Variants in MSRB3 observed in about 807,000 individuals in gnomAD.
MSRB3 encodes the protein methionine-R-sulfoxide reductase B3.
Under a neutral mutation model 21.0 loss-of-function variants are expected in MSRB3, and 13 were observed. The observed-to-expected ratio is 0.62, with a 90% CI of 0.40 to 0.98. The LOEUF (loss-of-function observed/expected upper bound fraction) is 0.98, where lower values mean the gene tolerates loss of function less well. Ranked by LOEUF, MSRB3 falls within the 50% of genes least tolerant of loss-of-function variation. MSRB3 has a pLI of 0.00. For missense variants in MSRB3, 199 were observed against 230.3 expected, an observed-to-expected ratio of 0.86 and a Z score of 0.88; for synonymous variants, 87 against 88.6, an observed-to-expected ratio of 0.98 and a Z score of 0.10.
At chr12:65,304,260 T>G (rs1469341234) in intron 1 of MSRB3, among the ~76,000 whole-genome samples, 1 of 152,164 alleles carries the variant, frequency 6.6e-6, no homozygotes, top group East Asian at 1.9e-4. Flanking sequence ...TATATTATGT[T>G]TCTCAGAACA....
intron 5 of MSRB3, among the ~76,000 whole-genome samples, chr12:65,422,583 T>C (rs562813122): frequency 1.1e-4 from 17 of 151,430 alleles, no homozygotes; most frequent in African/African-American, 3.9e-4. Context: ...TATTTTTAAA[T>C]GTATAATTAA....
At chr12:65,294,834 G>A (rs752483515) in intron 1 of MSRB3, among the ~76,000 whole-genome samples, 1 of 151,576 alleles carries the variant, frequency 6.6e-6, no homozygotes, top group Non-Finnish European at 1.5e-5. Context: ...TTTTTGTTTT[G>A]TTTTGTTTTG....
chr12:65,317,385 T>C (rs1285718384), intron 2 of MSRB3, among the ~76,000 whole-genome samples: 1 of 152,170 alleles, frequency 6.6e-6, no homozygotes, highest in East Asian at 1.9e-4. Flanking sequence ...TCCCCGCCTT[T>C]TTAGTGGAGC....
intron 1 of MSRB3, among the ~76,000 whole-genome samples, chr12:65,289,607 T>C (rs1478267453): frequency 2.6e-5 from 4 of 152,248 alleles, no homozygotes; most frequent in Non-Finnish European, 2.9e-5. Context: ...GTTTGTTACA[T>C]GGGTAAAGTA....
chr12:65,342,368 A>G (rs1876202885), intron 4 of MSRB3, among the ~76,000 whole-genome samples: 1 of 151,968 alleles, frequency 6.6e-6, no homozygotes, highest in African/African-American at 2.4e-5. Context: ...AATACATATG[A>G]TCCACAAACT....
chr12:65,437,925 G>T (rs556466074), intron 5 of MSRB3, among the ~76,000 whole-genome samples: 1 of 151,958 alleles, frequency 6.6e-6, no homozygotes, highest in Non-Finnish European at 1.5e-5. Flanking sequence ...TCTGCCTGTG[G>T]TGTCTGGAAT....
chr12:65,433,896 G>A (rs1054321557), intron 5 of MSRB3, among the ~76,000 whole-genome samples: 3 of 151,740 alleles, frequency 2.0e-5, no homozygotes, highest in African/African-American at 7.3e-5. Context: ...GGCAGTTCAG[G>A]TTTTCTGAAC....
intron 5 of MSRB3, among the ~76,000 whole-genome samples, chr12:65,413,393 C>T (rs1002169126): frequency 6.6e-6 from 1 of 152,094 alleles, no homozygotes; most frequent in African/African-American, 2.4e-5. Context: ...GTTGCCTGGC[C>T]TCCTATGATA....
chr12:65,453,324 T>A lies in MSRB3; in HGVS notation c.293-404T>A, dbSNP rs147024164. The stretch of plus-strand genomic sequence containing the variant: ...AGGAGGCATGGAATAGTTGAAAAGT[T>A]AACAGCCAGACCAATTGATTGTGTT... On this transcript the variant is annotated intron_variant, in intron 5 of 6. Transcript: ENST00000308259. 8.5e-3 allele frequency among the ~76,000 whole-genome samples: 1,296 copies of A among 152,276 alleles called. 20 individuals are homozygous for A. The highest frequency in any genetic ancestry group is 0.029 in the African/African-American group (1,222 of 41,554).
intron 1 of MSRB3, 50 bp downstream of exon 1, chr12:65,278,915 C>G: frequency 6.5e-7 from 1 of 1,544,330 alleles, no homozygotes; most frequent in Non-Finnish European, 8.8e-7. Flanking sequence ...CCCTCCCACC[C>G]CGACCCTGCC....
chr12:65,382,244 C>A (rs1878975356), intron 5 of MSRB3, among the ~76,000 whole-genome samples: 1 of 151,948 alleles, frequency 6.6e-6, no homozygotes, highest in African/African-American at 2.4e-5. Flanking sequence ...CATAGGAACA[C>A]AAAACAACAA....
At chr12:65,367,965 A>G (rs1014827037) in intron 4 of MSRB3, among the ~76,000 whole-genome samples, 1 of 152,200 alleles carries the variant, frequency 6.6e-6, no homozygotes, top group Non-Finnish European at 1.5e-5. Context: ...GCATCAGCTG[A>G]AACTTTGTTT....
intron 5 of MSRB3, among the ~76,000 whole-genome samples, chr12:65,391,392 A>G (rs1232054106): frequency 6.6e-6 from 1 of 152,240 alleles, no homozygotes; most frequent in Non-Finnish European, 1.5e-5. Context: ...GATTAGTGAC[A>G]GGAGAGTATT....
chr12:65,443,653 T>G (rs1272218260), intron 5 of MSRB3, among the ~76,000 whole-genome samples: 1 of 152,080 alleles, frequency 6.6e-6, no homozygotes, highest in Non-Finnish European at 1.5e-5. Flanking sequence ...TATCCTGGCT[T>G]ATAGGCAGTC....
chr12:65,307,510 A>G (rs1002518539), intron 1 of MSRB3, among the ~76,000 whole-genome samples: 3 of 152,174 alleles, frequency 2.0e-5, no homozygotes, highest in African/African-American at 7.2e-5. Flanking sequence ...CATTAATTTT[A>G]TATTAATTTT....
chr12:65,424,381 T>C (rs1947147055), intron 5 of MSRB3, among the ~76,000 whole-genome samples: 1 of 152,096 alleles, frequency 6.6e-6, no homozygotes, highest in African/African-American at 2.4e-5. Context: ...GTTTTCTAGT[T>C]CCTTGAGATG....
chr12:65,456,682 G>C (rs955003596), intron 6 of MSRB3, among the ~76,000 whole-genome samples: 1 of 152,166 alleles, frequency 6.6e-6, no homozygotes, highest in Non-Finnish European at 1.5e-5. Context: ...GAAAGTGTTT[G>C]ACTCTTTCTT....
intron 4 of MSRB3, among the ~76,000 whole-genome samples, chr12:65,352,415 G>A (rs1276968369): frequency 3.3e-5 from 5 of 149,630 alleles, no homozygotes; most frequent in Non-Finnish European, 6.0e-5. Flanking sequence ...AGACAGGGAT[G>A]CCCTCTCTCA....
At chr12:65,317,518 A>G (rs1344284465) in intron 2 of MSRB3, among the ~76,000 whole-genome samples, 1 of 152,200 alleles carries the variant, frequency 6.6e-6, no homozygotes, top group Non-Finnish European at 1.5e-5. Context: ...TTGACAGTGG[A>G]ACCTTTCCCT....
Sources: allele counts gnomAD v4.1 joint callset (sites outside exome capture counted in the v4.1 genomes callset), GRCh38; gene constraint gnomAD v4.1.1; transcripts MANE v1.5; gene names NCBI Gene and HGNC (gene_info 2026-07-23, HGNC 2026-07-21).